The following LDHA variants were observed in gnomAD, a reference collection of about 807,000 sequenced individuals.
The protein encoded by LDHA is L-lactate dehydrogenase A chain.
Under a neutral mutation model 36.3 loss-of-function variants are expected in LDHA, and 10 were observed. That is an observed-to-expected ratio of 0.28 (90% CI 0.17 to 0.47). The LOEUF is 0.47. Ranked by LOEUF, LDHA falls within the 20% of genes least tolerant of loss-of-function variation. The probability of loss-of-function intolerance (pLI) is 0.99; values close to 1 mark genes in which losing one functional copy is unlikely to be tolerated. For synonymous variants in LDHA, 110 were observed against 136.7 expected, an observed-to-expected ratio of 0.80 and a Z score of 1.36; for missense variants, 267 against 405.8, an observed-to-expected ratio of 0.66 and a Z score of 2.94.
intron 2 of LDHA, chr11:18,399,058 G>C (rs1053803450): frequency 8.8e-5 from 24 of 273,608 alleles, no homozygotes; most frequent in Non-Finnish European, 1.6e-4. Context: ...ATATCACCTA[G>C]TTAAATGAAT....
chr11:18,397,202 T>C, intron 2 of LDHA: 1 of 444,792 alleles, frequency 2.2e-6, no homozygotes, highest in Non-Finnish European at 4.0e-6. Flanking sequence ...TAAAATTCAT[T>C]ATTCTGTATT....
Position 18,396,814 on chromosome 11 carries a change from T to G in LDHA, c.-24-5T>G. 1 of 1,600,650 alleles carries G rather than the reference T, an allele frequency of 6.2e-7. No individual in the cohort carries two copies. The highest frequency in any genetic ancestry group is 1.7e-4 in the Middle Eastern group (1 of 5,996). The stretch of plus-strand genomic sequence containing the variant: ...TAGTGACACTAAATGTTTTTCCTCC[T>G]ATAGATTCCTTTTGGTTCCAAGTCC... On this transcript the variant is annotated splice_polypyrimidine_tract_variant and splice_region_variant and intron_variant, in intron 1 of 7. Transcript: ENST00000422447.
chr11:18,397,456 C>T (rs1473083386), intron 2 of LDHA: 1 of 153,548 alleles, frequency 6.5e-6, no homozygotes, highest in African/African-American at 2.4e-5. Flanking sequence ...GAGTAAAGCA[C>T]TCCTTATTAC....
chr11:18,396,482 G>A (rs1406754983), intron 1 of LDHA: 1 of 760,026 alleles, frequency 1.3e-6, no homozygotes, highest in African/African-American at 1.8e-5. Flanking sequence ...TGCTGTAGGA[G>A]CCGGAGTAGC....
At chr11:18,400,197 G>T (rs182577287) in intron 3 of LDHA, 199 of 184,828 alleles carry the variant, frequency 1.1e-3, no homozygotes, top group African/African-American at 4.5e-3. Context: ...AGCCTGTTCA[G>T]CTAATACTCT....
intron 6 of LDHA, 118 bp from the exon 7 acceptor site, chr11:18,405,331 G>T (rs1351158290): frequency 6.9e-6 from 7 of 1,009,264 alleles, no homozygotes; most frequent in Admixed American, 1.7e-5. Flanking sequence ...GTTATTCTTG[G>T]TATAATGCAA....
intron 2 of LDHA, 35 bp from the exon 3 acceptor site, chr11:18,399,396 A>G (rs775825471): frequency 3.4e-6 from 5 of 1,461,648 alleles, no homozygotes; most frequent in Admixed American, 3.3e-5. Flanking sequence ...AGAAGTGGCA[A>G]TTTTCCATTT....
chr11:18,396,390 G>T (rs765795962), intron 1 of LDHA: 43 of 404,012 alleles, frequency 1.1e-4, no homozygotes, highest in Non-Finnish European at 1.7e-4. Context: ...AGGCTCCTGT[G>T]CCTTGGGCTT....
At chr11:18,401,776 G>A (rs921827118) in intron 4 of LDHA, among the ~76,000 whole-genome samples, 6 of 150,580 alleles carry the variant, frequency 4.0e-5, no homozygotes, top group African/African-American at 1.5e-4. Context: ...CGTGCCTGGT[G>A]ATTCATTTAT....
chr11:18,395,488 C>T (rs749886806), intron 1 of LDHA, among the ~76,000 whole-genome samples: 6 of 152,124 alleles, frequency 3.9e-5, no homozygotes, highest in Non-Finnish European at 8.8e-5. Flanking sequence ...AGCATTGGAT[C>T]CCGGGGCCGT....
intron 2 of LDHA, 44 bp downstream of exon 2, chr11:18,397,012 A>G: frequency 1.3e-6 from 2 of 1,564,618 alleles, no homozygotes; most frequent in Non-Finnish European, 1.8e-6. Flanking sequence ...CCTTGACCCC[A>G]TCCTCTACCC....
intron 1 of LDHA, chr11:18,396,524 C>A (rs960887977): frequency 1.5e-6 from 2 of 1,304,770 alleles, no homozygotes; most frequent in Non-Finnish European, 2.0e-6. Flanking sequence ...AAAGGCCAGC[C>A]CCACTTGGGG....
intron 7 of LDHA, 90 bp downstream of exon 7, chr11:18,405,662 C>T: frequency 7.3e-7 from 1 of 1,363,886 alleles, no homozygotes; most frequent in Non-Finnish European, 1.0e-6. Context: ...ACAAGTCTTC[C>T]ATTACTGACT....
chr11:18,399,269 A>T (rs1025334908), intron 2 of LDHA, 162 bp from the exon 3 acceptor site: 11 of 632,044 alleles, frequency 1.7e-5, no homozygotes, highest in Non-Finnish European at 3.1e-5. Context: ...GTAATCTGTA[A>T]GTCAGCTTTT....
In LDHA at chr11:18,396,194, T is replaced by C. The variant is rs960002111; in HGVS notation, c.-24-625T>C. On this transcript the variant is annotated intron_variant, in intron 1 of 7. Transcript: ENST00000422447. ...CAACGGCCGGAGGCCGCTAGACTAA[T>C]CGGCTTCGCCCTGCGCGCTGTAATG... 37 of 230,280 alleles carry C rather than the reference T, an allele frequency of 1.6e-4. 1 individual carries two copies. Among genetic ancestry groups the C allele is most frequent in the African/African-American group, 5.8e-4 (26 of 44,690 alleles). 14.3% of individuals were successfully genotyped at this position (230,280 alleles called of 1,614,324 possible). A position where few individuals can be genotyped will look rare whatever the true frequency, so the allele number is the denominator to read the frequency against.
At chr11:18,396,698 G>T in intron 1 of LDHA, 121 bp from the exon 2 acceptor site, 3 of 1,343,338 alleles carry the variant, frequency 2.2e-6, no homozygotes, top group South Asian at 1.6e-5. Flanking sequence ...TCCCTTTTTA[G>T]TCATCTCTAG....
intron 1 of LDHA, among the ~76,000 whole-genome samples, chr11:18,395,515 G>A (rs1003371973): frequency 6.6e-6 from 1 of 152,110 alleles, no homozygotes; most frequent in African/African-American, 2.4e-5. Context: ...AAGCTAGCAG[G>A]TGTCCGCAGG....
At chr11:18,402,342 C>T (rs185736805) in intron 4 of LDHA, among the ~76,000 whole-genome samples, 79 of 152,128 alleles carry the variant, frequency 5.2e-4, no homozygotes, top group African/African-American at 1.9e-3. Flanking sequence ...ACTCTGTCGC[C>T]CAAGCTGGAG....
At chr11:18,400,432 CACACACACA>C in intron 3 of LDHA, 4 of 2,172 alleles carry the variant, frequency 1.8e-3, no homozygotes, top group East Asian at 0.015. Flanking sequence ...ACCACCACCA[CACACACACA>C]CACACACACA....
Sources: gnomAD v4.1 joint callset for allele counts (sites outside exome capture counted in the v4.1 genomes callset) on GRCh38, gnomAD v4.1.1 for gene constraint, MANE v1.5 for transcripts, NCBI Gene and HGNC (gene_info 2026-07-23, HGNC 2026-07-21) for gene names.